The following TENM2 variants were observed in gnomAD, a reference collection of about 807,000 sequenced individuals.
The protein encoded by TENM2 is teneurin-2.
In TENM2, 52 loss-of-function variants were observed where a neutral mutation model predicts 245.2. The ratio of observed to expected loss-of-function variants is 0.21; its 90% CI spans 0.17 to 0.27. The LOEUF (loss-of-function observed/expected upper bound fraction) is 0.27, where lower values mean the gene tolerates loss of function less well. Among genes scored for constraint, TENM2 ranks in the 10% least tolerant of loss-of-function variants. The pLI, the probability that TENM2 is intolerant of heterozygous loss-of-function variation, is 1.00. For missense variants in TENM2, 3,046 were observed against 3,666.8 expected, an observed-to-expected ratio of 0.83 and a Z score of 4.37; for synonymous variants, 1,363 against 1,438.9, an observed-to-expected ratio of 0.95 and a Z score of 1.19.
chr5:167,790,431 T>C (rs1412968185), intron 2 of TENM2, among the ~76,000 whole-genome samples: 1 of 152,204 alleles, frequency 6.6e-6, no homozygotes, highest in Non-Finnish European at 1.5e-5. Flanking sequence ...TGATTCCTAC[T>C]TAGAAAATGC....
At chr5:167,090,590 C>T in the TENM2 span, among the ~76,000 whole-genome samples, 1 of 152,172 alleles carries the variant, frequency 6.6e-6, no homozygotes, top group East Asian at 1.9e-4. Context: ...ATCTTTACTC[C>T]TCTAATTTCT....
chr5:167,277,391 G>A, the TENM2 span, among the ~76,000 whole-genome samples: 6 of 151,936 alleles, frequency 3.9e-5, no homozygotes, highest in African/African-American at 7.3e-5. Flanking sequence ...GAAGAGTGTT[G>A]TTTACTTTTC....
At chr5:168,219,811 A>G (rs1763501408) in intron 23 of TENM2, among the ~76,000 whole-genome samples, 2 of 116,310 alleles carry the variant, frequency 1.7e-5, no homozygotes, top group Admixed American at 1.1e-4. Context: ...TAAGTTAGGG[A>G]GAGTTGGCAC....
chr5:168,101,456 C>T (rs115381341), intron 9 of TENM2, among the ~76,000 whole-genome samples: 1,848 of 152,182 alleles, frequency 0.012, 26 homozygotes, highest in Middle Eastern at 0.027. Context: ...AATCCATTTG[C>T]AGATGAACGT....
intron 2 of TENM2, among the ~76,000 whole-genome samples, chr5:167,702,540 A>ATGTGTGTG (rs1554102837): frequency 1.8e-4 from 22 of 123,258 alleles, no homozygotes; most frequent in African/African-American, 7.2e-4. Context: ...GTATGTATGT[A>ATGTGTGTG]TGTGTGTGTG....
chr5:167,501,339 C>G (rs757271133), intron 2 of TENM2, among the ~76,000 whole-genome samples: 2 of 152,110 alleles, frequency 1.3e-5, no homozygotes, highest in African/African-American at 4.8e-5. Flanking sequence ...GGGTGGGGCA[C>G]TTGAAAACAG....
the TENM2 span, among the ~76,000 whole-genome samples, chr5:167,149,217 C>CT: frequency 6.6e-6 from 1 of 151,560 alleles, no homozygotes; most frequent in African/African-American, 2.4e-5. Context: ...TATATGTTTG[C>CT]TTTTTTTCTC....
At chr5:167,688,359 A>G (rs1449937993) in intron 2 of TENM2, among the ~76,000 whole-genome samples, 1 of 151,922 alleles carries the variant, frequency 6.6e-6, no homozygotes, top group Admixed American at 6.6e-5. Flanking sequence ...TCTCCTTGTG[A>G]TTCCATCTAA....
At chr5:167,688,277 T>C (rs1757208178) in intron 2 of TENM2, among the ~76,000 whole-genome samples, 1 of 152,202 alleles carries the variant, frequency 6.6e-6, no homozygotes. Context: ...TTATAGTCTT[T>C]TTTCTCTTAC....
chr5:168,226,356 A>G, intron 24 of TENM2, 93 bp downstream of exon 26: 2 of 1,163,734 alleles, frequency 1.7e-6, no homozygotes, highest in Non-Finnish European at 2.4e-6. Context: ...GCCTGGGAGG[A>G]CTTCCAGAGA....
chr5:167,452,690 C>T (rs899883211), intron 2 of TENM2, among the ~76,000 whole-genome samples: 7 of 151,506 alleles, frequency 4.6e-5, no homozygotes, highest in East Asian at 3.9e-4. Flanking sequence ...TCACTAATAA[C>T]GAGCTCAGAT....
At chr5:167,698,710 A>G (rs1415275441) in intron 2 of TENM2, among the ~76,000 whole-genome samples, 2 of 133,786 alleles carry the variant, frequency 1.5e-5, no homozygotes, top group South Asian at 2.3e-4. Context: ...TTGAGACATA[A>G]TCTCGCTCTT....
At chr5:167,334,852 T>C (rs4868794) in intron 1 of TENM2, among the ~76,000 whole-genome samples, 16,064 of 152,210 alleles carry the variant, frequency 0.11, 1,335 homozygotes, top group Admixed American at 0.27. Flanking sequence ...GAAATCAGAA[T>C]TTATGGAGGA....
the TENM2 span, among the ~76,000 whole-genome samples, chr5:166,995,502 A>G: frequency 3.3e-5 from 5 of 151,976 alleles, no homozygotes; most frequent in African/African-American, 1.2e-4. Flanking sequence ...TGGCCTCCCA[A>G]AGTGCTGGGA....
At chr5:168,089,567 C>A (rs1378555273) in intron 7 of TENM2, among the ~76,000 whole-genome samples, 1 of 152,118 alleles carries the variant, frequency 6.6e-6, no homozygotes, top group African/African-American at 2.4e-5. Context: ...CTGGTTTCCA[C>A]TGAAACAAAG....
intron 5 of TENM2, among the ~76,000 whole-genome samples, chr5:168,032,036 T>C (rs1787193822): frequency 6.6e-6 from 1 of 152,116 alleles, no homozygotes; most frequent in Non-Finnish European, 1.5e-5. Context: ...TTCTGCCACT[T>C]TCAGTATAAG....
chr5:167,240,209 A>C, the TENM2 span, among the ~76,000 whole-genome samples: 2 of 151,180 alleles, frequency 1.3e-5, no homozygotes, highest in Non-Finnish European at 2.9e-5. Flanking sequence ...GAACAGCATC[A>C]TTCCTCTAAA....
At chr5:167,765,859 C>T (rs530708638) in intron 2 of TENM2, among the ~76,000 whole-genome samples, 1 of 152,154 alleles carries the variant, frequency 6.6e-6, no homozygotes, top group African/African-American at 2.4e-5. Flanking sequence ...CTACCATATA[C>T]TCTTCACAGG....
At chr5:167,386,232 A>G (rs990461666) in intron 2 of TENM2, among the ~76,000 whole-genome samples, 4 of 152,086 alleles carry the variant, frequency 2.6e-5, no homozygotes, top group African/African-American at 9.7e-5. Flanking sequence ...GTGGTATCAC[A>G]TTGTGGTTTT....
Sources: allele counts gnomAD v4.1 joint callset (sites outside exome capture counted in the v4.1 genomes callset), GRCh38; gene constraint gnomAD v4.1.1; transcripts MANE v1.5; gene names NCBI Gene and HGNC (gene_info 2026-07-23, HGNC 2026-07-21).